TEAD1: variants seen among roughly 807,000 people sequenced by gnomAD.
TEAD1 encodes the protein transcriptional enhancer factor TEF-1.
Under a neutral mutation model 54.9 loss-of-function variants are expected in TEAD1, and 9 were observed. The ratio of observed to expected loss-of-function variants is 0.16; its 90% CI spans 0.10 to 0.29. TEAD1 has a LOEUF of 0.29. TEAD1 is among the 10% of genes least tolerant of loss of function. The pLI is 1.00. For synonymous variants in TEAD1, 200 were observed against 187.8 expected, an observed-to-expected ratio of 1.07 and a Z score of -0.53; for missense variants, 387 against 535.9, an observed-to-expected ratio of 0.72 and a Z score of 2.74.
chr11:12,847,603 C>T (rs1947180671), intron 3 of TEAD1, among the ~76,000 whole-genome samples: 2 of 152,162 alleles, frequency 1.3e-5, no homozygotes, highest in African/African-American at 2.4e-5. Context: ...GGAGAAAAGA[C>T]AAAAACTGAT....
chr11:12,785,239 A>G (rs1029180070), intron 3 of TEAD1, among the ~76,000 whole-genome samples: 1 of 152,142 alleles, frequency 6.6e-6, no homozygotes, highest in Non-Finnish European at 1.5e-5. Flanking sequence ...TCTCTTAGAC[A>G]CAGAGCTGGA....
chr11:12,788,187 A>G (rs902563204), intron 3 of TEAD1, among the ~76,000 whole-genome samples: 2 of 146,440 alleles, frequency 1.4e-5, no homozygotes, highest in South Asian at 2.2e-4. Context: ...CTCAGGCTGG[A>G]GTGCAGTGGC....
intron 2 of TEAD1, among the ~76,000 whole-genome samples, chr11:12,714,782 A>G (rs1045905783): frequency 1.5e-4 from 23 of 152,232 alleles, no homozygotes; most frequent in African/African-American, 5.3e-4. Context: ...GCCTGCAGTA[A>G]TGGTCTTCTT....
intron 2 of TEAD1, among the ~76,000 whole-genome samples, chr11:12,735,645 G>A (rs866328487): frequency 6.6e-6 from 1 of 150,802 alleles, no homozygotes; most frequent in African/African-American, 2.4e-5. Flanking sequence ...CAAGGCAGAC[G>A]TATGCTTGAC....
intron 2 of TEAD1, among the ~76,000 whole-genome samples, chr11:12,737,225 T>TA (rs1944554062): frequency 6.6e-6 from 1 of 151,786 alleles, no homozygotes; most frequent in South Asian, 2.1e-4. Flanking sequence ...TAGCCCAAGT[T>TA]AAAACTTCTC....
In TEAD1 at chr11:12,770,590, C is replaced by T. The variant is rs533426153; in HGVS notation, c.202+6156C>T. Reference sequence around the variant, plus strand: ...ATCTTGATTATTCCTCAAAAACAACCCAATAATATAGGTACTGTAATTATG... The same window carrying T: ...ATCTTGATTATTCCTCAAAAACAACTCAATAATATAGGTACTGTAATTATG... On this transcript the variant is annotated intron_variant, in intron 3 of 12. Coordinates refer to ENST00000527636, the MANE Select transcript of TEAD1 (RefSeq NM_021961.6). 9.9e-3 allele frequency among the ~76,000 whole-genome samples: 1,502 copies of T among 152,224 alleles called. 11 individuals are homozygous for T. The highest frequency in any genetic ancestry group is 0.015 in the Admixed American group (224 of 15,292).
chr11:12,798,881 A>C (rs1945992514), intron 3 of TEAD1, among the ~76,000 whole-genome samples: 1 of 152,252 alleles, frequency 6.6e-6, no homozygotes, highest in Non-Finnish European at 1.5e-5. Context: ...TTCTAGGCTC[A>C]GTCCACGAAT....
At chr11:12,792,355 T>TAAAAAAA (rs10630085) in intron 3 of TEAD1, among the ~76,000 whole-genome samples, 2 of 98,654 alleles carry the variant, frequency 2.0e-5, no homozygotes, top group Admixed American at 1.1e-4. Context: ...GGGAAAATAG[T>TAAAAAAA]AAAAAAAAAA....
intron 10 of TEAD1, among the ~76,000 whole-genome samples, chr11:12,918,625 C>A (rs1948755659): frequency 6.6e-6 from 1 of 152,094 alleles, no homozygotes; most frequent in Non-Finnish European, 1.5e-5. Flanking sequence ...GACTCTATGA[C>A]CGAGTAATTA....
intron 2 of TEAD1, among the ~76,000 whole-genome samples, chr11:12,712,193 G>GTCCA (rs574149662): frequency 1.4e-4 from 21 of 152,146 alleles, no homozygotes; most frequent in South Asian, 8.3e-4. Flanking sequence ...CCGTCTGCCC[G>GTCCA]TCCATCCATC....
chr11:12,745,585 G>A (rs1407019993), intron 2 of TEAD1, among the ~76,000 whole-genome samples: 1 of 146,684 alleles, frequency 6.8e-6, no homozygotes, highest in South Asian at 2.1e-4. Flanking sequence ...TCATTTTAAG[G>A]GGTTTTTTTT....
chr11:12,715,990 T>A (rs1241384207), intron 2 of TEAD1, among the ~76,000 whole-genome samples: 1 of 151,954 alleles, frequency 6.6e-6, no homozygotes, highest in Non-Finnish European at 1.5e-5. Flanking sequence ...GGCCAAGGAA[T>A]CATTTCCTAG....
At chr11:12,793,504 A>G (rs1318599076) in intron 3 of TEAD1, among the ~76,000 whole-genome samples, 2 of 152,134 alleles carry the variant, frequency 1.3e-5, no homozygotes, top group African/African-American at 4.8e-5. Flanking sequence ...ATATTTTATT[A>G]TGTACTGTGT....
intron 2 of TEAD1, among the ~76,000 whole-genome samples, chr11:12,712,137 T>A (rs959038007): frequency 1.3e-5 from 2 of 152,180 alleles, no homozygotes; most frequent in African/African-American, 4.8e-5. Flanking sequence ...TTGAAGTATT[T>A]CTTCATGGAG....
chr11:12,676,445 A>G (rs1160161070), intron 2 of TEAD1, among the ~76,000 whole-genome samples: 1 of 152,212 alleles, frequency 6.6e-6, no homozygotes, highest in Admixed American at 6.5e-5. Context: ...TCTCTGAGGC[A>G]CAGATTGGGG....
intron 3 of TEAD1, among the ~76,000 whole-genome samples, chr11:12,786,448 A>G (rs1183646830): frequency 2.0e-5 from 3 of 152,218 alleles, no homozygotes; most frequent in African/African-American, 7.2e-5. Flanking sequence ...AGTTAGGAGT[A>G]GGATTGCCGG....
intron 3 of TEAD1, among the ~76,000 whole-genome samples, chr11:12,845,110 A>G (rs1431290256): frequency 6.6e-6 from 1 of 151,628 alleles, no homozygotes; most frequent in Non-Finnish European, 1.5e-5. Flanking sequence ...GACTACAGGC[A>G]CCCACTACCA....
At chr11:12,783,094 G>GAC in intron 3 of TEAD1, among the ~76,000 whole-genome samples, 1 of 138,218 alleles carries the variant, frequency 7.2e-6, no homozygotes, top group African/African-American at 2.9e-5. Flanking sequence ...AACCAGGTAA[G>GAC]GGTTTGTGTG....
intron 2 of TEAD1, among the ~76,000 whole-genome samples, chr11:12,719,643 A>G (rs1342406149): frequency 6.6e-6 from 1 of 152,064 alleles, no homozygotes. Flanking sequence ...TTTGTATTGA[A>G]AAAGACAACC....
Sources: gnomAD v4.1 joint callset for allele counts (sites outside exome capture counted in the v4.1 genomes callset) on GRCh38, gnomAD v4.1.1 for gene constraint, MANE v1.5 for transcripts, NCBI Gene and HGNC (gene_info 2026-07-23, HGNC 2026-07-21) for gene names.